The following NCKAP5 variants were observed in gnomAD, a reference collection of about 807,000 sequenced individuals.
NCKAP5 encodes NCK associated protein 5, also known as nck-associated protein 5.
A neutral mutation model predicts 167.0 loss-of-function variants in NCKAP5; 92 were observed. The observed-to-expected ratio is 0.55, with a 90% CI of 0.47 to 0.66. The LOEUF is 0.66. NCKAP5 is among the 30% of genes least tolerant of loss of function. NCKAP5 has a pLI of 0.00. For synonymous variants in NCKAP5, 891 were observed against 877.4 expected, an observed-to-expected ratio of 1.02 and a Z score of -0.27; for missense variants, 2,378 against 2,315.0, an observed-to-expected ratio of 1.03 and a Z score of -0.56.
At position 133,085,794 on chromosome 2, in the gene NCKAP5, C is replaced by T. The variant is rs57649721; in HGVS notation, c.341+44184G>A. ...CTGCAGCAGCAGGACCCCTCCTGTA[C>T]AGCAGAGGAAAGATGAGAATACACA... On this transcript the variant is annotated intron_variant, in intron 6 of 19. Transcript: ENST00000409261. Among the ~76,000 whole-genome samples, 16 of 152,172 alleles carry T rather than the reference C, an allele frequency of 1.1e-4. No homozygotes were observed. In the South Asian group the frequency reaches 3.1e-3, roughly 30 times the overall value.
At chr2:133,189,643 T>C (rs1431537372) in intron 5 of NCKAP5, among the ~76,000 whole-genome samples, 1 of 152,130 alleles carries the variant, frequency 6.6e-6, no homozygotes. Flanking sequence ...GGCAAATCAA[T>C]AAATGTAATC....
At chr2:132,850,658 T>C (rs1326236952) in intron 11 of NCKAP5, among the ~76,000 whole-genome samples, 2 of 152,070 alleles carry the variant, frequency 1.3e-5, no homozygotes, top group African/African-American at 4.8e-5. Context: ...CCAACCCAGT[T>C]TCATAGAAAC....
chr2:133,484,372 T>C lies in NCKAP5; in HGVS notation c.69+33086A>G, dbSNP rs181467754. Among the ~76,000 whole-genome samples the C allele has an allele frequency of 2.6e-3, 394 of 152,288 alleles. 3 individuals are homozygous for C. Among genetic ancestry groups the C allele is most frequent in the African/African-American group, 9.1e-3 (380 of 41,568 alleles). The stretch of plus-strand genomic sequence containing the variant: ...CACTGCTGGTGTTTCAAGATCCCGA[T>C]AGTGAGTAAGTTCTTCCCTAGAGCC... On this transcript the variant is annotated intron_variant, in intron 3 of 19. Transcript: ENST00000409261.
chr2:133,592,269 A>G, the NCKAP5 span, among the ~76,000 whole-genome samples: 1 of 152,332 alleles, frequency 6.6e-6, no homozygotes, highest in Admixed American at 6.5e-5. Context: ...CTTACAAACT[A>G]TGTCACTCTA....
At chr2:133,349,554 C>A (rs1433273067) in intron 3 of NCKAP5, among the ~76,000 whole-genome samples, 2 of 152,206 alleles carry the variant, frequency 1.3e-5, no homozygotes, top group African/African-American at 4.8e-5. Flanking sequence ...TTTAAAACAT[C>A]TTCTCCTTCC....
At chr2:133,065,029 C>T (rs943999650) in intron 6 of NCKAP5, among the ~76,000 whole-genome samples, 2 of 152,178 alleles carry the variant, frequency 1.3e-5, no homozygotes, top group Admixed American at 6.5e-5. Flanking sequence ...TAAAAATTAT[C>T]AGACCCATGA....
At chr2:132,968,397 A>C (rs2076730968) in intron 7 of NCKAP5, among the ~76,000 whole-genome samples, 2 of 152,214 alleles carry the variant, frequency 1.3e-5, no homozygotes. Flanking sequence ...GGTGGTTCAG[A>C]AACTACCACA....
At chr2:133,114,672 C>A (rs1467580080) in intron 6 of NCKAP5, among the ~76,000 whole-genome samples, 1 of 152,034 alleles carries the variant, frequency 6.6e-6, no homozygotes, top group African/African-American at 2.4e-5. Flanking sequence ...AGGTTTTCTC[C>A]CCACCTCTTT....
At chr2:133,064,684 G>A (rs770386082) in intron 6 of NCKAP5, among the ~76,000 whole-genome samples, 90 of 152,052 alleles carry the variant, frequency 5.9e-4, no homozygotes, top group Non-Finnish European at 1.1e-3. Context: ...TGCTCTGGGT[G>A]GGGATACGCT....
At position 133,390,037 on chromosome 2, in the gene NCKAP5, C is replaced by T. The variant is rs143563922; in HGVS notation, c.70-86927G>A. Among the ~76,000 whole-genome samples the T allele has an allele frequency of 2.2e-3, 337 of 152,336 alleles. No homozygotes were observed. The Middle Eastern group carries it at 0.024, about 11-fold the overall frequency. ...ACTGAAGCAGCCTCCAACCCCAGTT[C>T]CAAAATATACCCACAACTAAGGATG... On this transcript the variant is annotated intron_variant, in intron 3 of 19. Coordinates refer to ENST00000409261, the MANE Select transcript of NCKAP5 (RefSeq NM_207363.3).
At chr2:132,949,965 G>C (rs916825222) in intron 8 of NCKAP5, among the ~76,000 whole-genome samples, 3 of 152,078 alleles carry the variant, frequency 2.0e-5, no homozygotes, top group Non-Finnish European at 4.4e-5. Flanking sequence ...ATAGTGGTGG[G>C]CACCTGTAAT....
At chr2:132,855,370 C>A (rs1362984810) in intron 11 of NCKAP5, among the ~76,000 whole-genome samples, 1 of 152,218 alleles carries the variant, frequency 6.6e-6, no homozygotes, top group South Asian at 2.1e-4. Flanking sequence ...CATCTGAGCC[C>A]TGGTGTTACT....
At chr2:132,902,200 AATT>A (rs1327918453) in intron 8 of NCKAP5, among the ~76,000 whole-genome samples, 2 of 152,198 alleles carry the variant, frequency 1.3e-5, no homozygotes, top group African/African-American at 4.8e-5. Flanking sequence ...TGAGAAAGTC[AATT>A]ATTATTCAAA....
At chr2:133,275,777 A>G (rs2089700317) in intron 4 of NCKAP5, among the ~76,000 whole-genome samples, 1 of 151,968 alleles carries the variant, frequency 6.6e-6, no homozygotes, top group South Asian at 2.1e-4. Flanking sequence ...AGTAAAATGT[A>G]GTAACAAATT....
chr2:132,872,073 T>G (rs1370464986), intron 9 of NCKAP5, among the ~76,000 whole-genome samples: 2 of 152,230 alleles, frequency 1.3e-5, no homozygotes, highest in Non-Finnish European at 2.9e-5. Context: ...TCCAATGTCA[T>G]CTGCCAGCTT....
chr2:133,145,626 C>T (rs774896686), intron 5 of NCKAP5, among the ~76,000 whole-genome samples: 5 of 151,900 alleles, frequency 3.3e-5, no homozygotes, highest in Non-Finnish European at 5.9e-5. Flanking sequence ...ATTTGTGTAC[C>T]CTTGGGTCGT....
intron 5 of NCKAP5, among the ~76,000 whole-genome samples, chr2:133,160,428 C>G (rs71347194): frequency 1.1e-5 from 1 of 91,148 alleles, no homozygotes; most frequent in Non-Finnish European, 2.3e-5. Context: ...TTTTTCTTTT[C>G]CTTTCTTTTT....
Position 133,474,112 on chromosome 2 carries a change from A to ATATATATCTATCTATC in NCKAP5, c.69+43345_69+43346insGATAGATAGATATATA, listed in dbSNP as rs1553649113. On this transcript the variant is annotated intron_variant, in intron 3 of 19. Coordinates refer to ENST00000409261, the MANE Select transcript of NCKAP5 (RefSeq NM_207363.3). Reference sequence around the variant, plus strand: ...CAGATGAATGGATAAAGAAAATGTGATATCTATCTATCTATCTATCTATCT... The same window carrying ATATATATCTATCTATC: ...CAGATGAATGGATAAAGAAAATGTGATATATATCTATCTATCTATCTATCTATCTATCTATCTATCT... 1.7e-4 allele frequency among the ~76,000 whole-genome samples: 24 copies of ATATATATCTATCTATC among 137,954 alleles called. 1 individual carries two copies. Among genetic ancestry groups the ATATATATCTATCTATC allele is most frequent in the African/African-American group, 5.7e-4 (19 of 33,260 alleles). 90.5% of individuals were successfully genotyped at this position (137,954 alleles called of 152,430 possible).
At chr2:132,966,500 G>A (rs2076672356) in intron 7 of NCKAP5, among the ~76,000 whole-genome samples, 1 of 152,118 alleles carries the variant, frequency 6.6e-6, no homozygotes, top group Non-Finnish European at 1.5e-5. Flanking sequence ...ACCATATAGT[G>A]AATTCGTGTC....
Sources: gnomAD v4.1 joint callset for allele counts (sites outside exome capture counted in the v4.1 genomes callset) on GRCh38, gnomAD v4.1.1 for gene constraint, MANE v1.5 for transcripts, NCBI Gene and HGNC (gene_info 2026-07-23, HGNC 2026-07-21) for gene names.